Variants in TYR observed in about 807,000 individuals in gnomAD.
The protein encoded by TYR is tyrosinase, also known as LB24-AB.
Under a neutral mutation model 51.5 loss-of-function variants are expected in TYR, and 58 were observed. That is an observed-to-expected ratio of 1.13 (90% confidence interval 0.91 to 1.40). The LOEUF (loss-of-function observed/expected upper bound fraction) is 1.40, where lower values mean the gene tolerates loss of function less well. TYR is among the 40% of genes most tolerant of loss of function. The pLI is 0.00. For synonymous variants in TYR, 263 were observed against 235.2 expected, an observed-to-expected ratio of 1.12 and a Z score of -1.08; for missense variants, 732 against 647.4, an observed-to-expected ratio of 1.13 and a Z score of -1.42.
intron 3 of TYR, among the ~76,000 whole-genome samples, chr11:89,262,155 T>TTCAAG (rs1319636105): frequency 6.6e-6 from 1 of 151,962 alleles, no homozygotes; most frequent in East Asian, 1.9e-4. Context: ...GCCTCCTGGG[T>TTCAAG]TCAAGTGATT....
rs773970123 is a variant in TYR at position 89,227,823 on chromosome 11, G to A, written c.1037G>A (p.Gly346Glu). The A allele has an allele frequency of 9.3e-6, 15 of 1,612,208 alleles. No individual in the cohort carries two copies. The South Asian group carries it at 1.2e-4, about 13-fold the overall frequency. The change falls in exon 3 of 5, where the codon GGA (glycine) becomes GAA (glutamate). Residue 346 changes from glycine to glutamate, a missense_variant and splice_region_variant. Coordinates refer to ENST00000263321, the MANE Select transcript of TYR (RefSeq NM_000372.5). ...ANFSFRNTLE[G>E]FASPLTGIAD... Reference sequence around the variant, plus strand: ...TTTTTCATTTTTTTTTAATGAACAGGATTTGCTAGTCCACTTACTGGGATA... The same window carrying A: ...TTTTTCATTTTTTTTTAATGAACAGAATTTGCTAGTCCACTTACTGGGATA...
At chr11:89,181,635 A>G (rs1309984802) in intron 1 of TYR, among the ~76,000 whole-genome samples, 1 of 152,172 alleles carries the variant, frequency 6.6e-6, no homozygotes, top group African/African-American at 2.4e-5. Flanking sequence ...ACTTGACCCC[A>G]AAATTGAGAT....
At chr11:89,183,684 A>T (rs543793176) in intron 1 of TYR, among the ~76,000 whole-genome samples, 1 of 152,210 alleles carries the variant, frequency 6.6e-6, no homozygotes, top group African/African-American at 2.4e-5. Context: ...AGATGTGTTT[A>T]TATGGCTTGT....
intron 3 of TYR, among the ~76,000 whole-genome samples, chr11:89,229,480 C>T (rs1318423482): frequency 2.6e-5 from 4 of 151,744 alleles, no homozygotes; most frequent in African/African-American, 7.3e-5. Context: ...ACCCAGTGAA[C>T]TCTAAAGATT....
At chr11:89,194,400 T>C (rs1943488923) in intron 2 of TYR, among the ~76,000 whole-genome samples, 1 of 152,212 alleles carries the variant, frequency 6.6e-6, no homozygotes, top group African/African-American at 2.4e-5. Context: ...TGTCTCACGT[T>C]GGTGATGTTA....
intron 3 of TYR, among the ~76,000 whole-genome samples, chr11:89,260,086 A>G (rs1471455320): frequency 6.6e-6 from 1 of 151,988 alleles, no homozygotes; most frequent in Non-Finnish European, 1.5e-5. Context: ...GAGATTGTAT[A>G]TTTTTAGTTT....
At chr11:89,280,629 T>C (rs71469247) in intron 3 of TYR, among the ~76,000 whole-genome samples, 24,055 of 151,448 alleles carry the variant, frequency 0.16, 3,237 homozygotes, top group African/African-American at 0.37. Context: ...TTTCAGATTC[T>C]ATGTCTCATA....
intron 3 of TYR, among the ~76,000 whole-genome samples, chr11:89,228,301 A>C (rs1463820794): frequency 1.3e-5 from 2 of 152,286 alleles, no homozygotes; most frequent in East Asian, 1.9e-4. Context: ...TACCTTAAGA[A>C]AAAGACAGAT....
intron 2 of TYR, among the ~76,000 whole-genome samples, chr11:89,202,302 G>A (rs1408281109): frequency 6.6e-6 from 1 of 152,042 alleles, no homozygotes; most frequent in Non-Finnish European, 1.5e-5. Context: ...GGTGCATCCT[G>A]AGGGCCCTCA....
At chr11:89,232,923 T>C (rs956357398) in intron 3 of TYR, among the ~76,000 whole-genome samples, 4 of 142,614 alleles carry the variant, frequency 2.8e-5, no homozygotes, top group Non-Finnish European at 6.0e-5. Flanking sequence ...ATGATGAGGG[T>C]GATGGCTGCT....
intron 3 of TYR, among the ~76,000 whole-genome samples, chr11:89,234,163 T>A (rs1424469916): frequency 7.0e-6 from 1 of 143,722 alleles, no homozygotes; most frequent in East Asian, 2.0e-4. Context: ...CTTTGCAGTT[T>A]TATGTTATGA....
rs183064750 is a variant in TYR at position 89,239,374 on chromosome 11, C to T, written c.1184+11404C>T. On this transcript the variant is annotated intron_variant, in intron 3 of 4. Transcript: ENST00000263321. The stretch of plus-strand genomic sequence containing the variant: ...CCCAATTCGTTGTTCTTAGTAGTCT[C>T]TTATGATTTTTATATTTCTGTGGTA... 7.2e-5 allele frequency among the ~76,000 whole-genome samples: 11 copies of T among 152,074 alleles called. No homozygotes were observed. In the East Asian group the frequency reaches 1.9e-3, roughly 27 times the overall value.
intron 2 of TYR, among the ~76,000 whole-genome samples, chr11:89,202,890 A>G (rs1943618113): frequency 6.6e-6 from 1 of 152,106 alleles, no homozygotes; most frequent in African/African-American, 2.4e-5. Flanking sequence ...TACCTCAAGG[A>G]CAGAAAAAAA....
chr11:89,231,788 A>G (rs953026373), intron 3 of TYR, among the ~76,000 whole-genome samples: 2 of 141,668 alleles, frequency 1.4e-5, no homozygotes, highest in African/African-American at 2.8e-5. Context: ...GTTCGAGGCC[A>G]TGCTAGGCAA....
chr11:89,283,666 C>T (rs1944745717), intron 3 of TYR: 1 of 151,808 alleles, frequency 6.6e-6, no homozygotes, highest in Non-Finnish European at 1.5e-5. Flanking sequence ...AGTTCCCCAA[C>T]TCCAGCTCTT....
At chr11:89,218,868 A>G (rs1485966642) in intron 2 of TYR, among the ~76,000 whole-genome samples, 1 of 152,198 alleles carries the variant, frequency 6.6e-6, no homozygotes, top group East Asian at 1.9e-4. Flanking sequence ...TTCCAAATAG[A>G]AAAGCCAAGT....
intron 3 of TYR, among the ~76,000 whole-genome samples, chr11:89,238,781 G>C (rs1301895504): frequency 6.6e-6 from 1 of 152,062 alleles, no homozygotes; most frequent in African/African-American, 2.4e-5. Context: ...CTAATTTTTT[G>C]AGAGTATTAT....
chr11:89,275,648 C>G (rs12419351), intron 3 of TYR, among the ~76,000 whole-genome samples: 31,839 of 151,756 alleles, frequency 0.21, 5,604 homozygotes, highest in African/African-American at 0.48. Context: ...GTAGCTTCCT[C>G]AGCTAGAGTA....
chr11:89,289,332 A>G (rs1385777704), intron 4 of TYR, among the ~76,000 whole-genome samples: 3 of 152,044 alleles, frequency 2.0e-5, no homozygotes, highest in Non-Finnish European at 4.4e-5. Flanking sequence ...GAATTTGTTC[A>G]ATAGCTCTGT....
Sources: gnomAD v4.1 joint callset for allele counts (sites outside exome capture counted in the v4.1 genomes callset) on GRCh38, gnomAD v4.1.1 for gene constraint, MANE v1.5 for transcripts, NCBI Gene and HGNC (gene_info 2026-07-23, HGNC 2026-07-21) for gene names.